The following GNS variants were observed in gnomAD, a reference collection of about 807,000 sequenced individuals.
GNS encodes the protein N-acetylglucosamine-6-sulfatase.
In GNS, 40 loss-of-function variants were observed where a neutral mutation model predicts 69.7. The observed-to-expected ratio is 0.57, with a 90% confidence interval of 0.45 to 0.75. GNS has a LOEUF of 0.75. Ranked by LOEUF, GNS falls within the 30% of genes least tolerant of loss-of-function variation. The pLI is 0.00. For missense variants in GNS, 565 were observed against 685.5 expected, an observed-to-expected ratio of 0.82 and a Z score of 1.96; for synonymous variants, 243 against 251.6, an observed-to-expected ratio of 0.97 and a Z score of 0.32.
At chr12:64,745,513 C>T (rs1158328326) in intron 4 of GNS, 146 bp downstream of exon 4, 6 of 712,620 alleles carry the variant, frequency 8.4e-6, no homozygotes, top group East Asian at 5.3e-5. Context: ...AGCCACTACA[C>T]CTGGCCACAA....
intron 10 of GNS, among the ~76,000 whole-genome samples, chr12:64,724,909 G>A (rs997918920): frequency 6.6e-6 from 1 of 152,188 alleles, no homozygotes; most frequent in Non-Finnish European, 1.5e-5. Flanking sequence ...CCTGAGCCAT[G>A]GAAGCCAGAA....
chr12:64,739,081 CT>C, intron 8 of GNS, among the ~76,000 whole-genome samples: 1 of 152,186 alleles, frequency 6.6e-6, no homozygotes, highest in East Asian at 1.9e-4. Flanking sequence ...AGACAACCTC[CT>C]TTTGGTCTTC....
chr12:64,723,644 G>A (rs1159280586), intron 10 of GNS, among the ~76,000 whole-genome samples: 1 of 152,198 alleles, frequency 6.6e-6, no homozygotes, highest in African/African-American at 2.4e-5. Context: ...GTACATTCAT[G>A]GTGTGGAAGG....
intron 6 of GNS, among the ~76,000 whole-genome samples, chr12:64,741,040 C>T (rs890402807): frequency 3.9e-5 from 6 of 152,000 alleles, no homozygotes; most frequent in African/African-American, 1.2e-4. Context: ...CTTTGGTCTA[C>T]TACAATTAGA....
chr12:64,716,462 A>C lies in GNS; in HGVS notation c.*279T>G. 1 of 478,928 alleles carries C rather than the reference A, an allele frequency of 2.1e-6. No individual in the cohort carries two copies. The allele number at this position is 478,928 out of a possible 1,614,324, so 29.7% of individuals were successfully genotyped here. On this transcript the variant is annotated 3_prime_UTR_variant, in exon 14 of 14. Transcript: ENST00000258145. ...AGGAATAATCAAGAACTGTGGCCCC[A>C]GGATAAAAAGAATACAGTGAGAACA... is the stretch of plus-strand genomic sequence containing the variant.
At chr12:64,750,141 G>A (rs755125150) in intron 2 of GNS, among the ~76,000 whole-genome samples, 1 of 152,010 alleles carries the variant, frequency 6.6e-6, no homozygotes, top group Non-Finnish European at 1.5e-5. Flanking sequence ...CTACCTCCTG[G>A]GTTCAAGCAA....
intron 1 of GNS, among the ~76,000 whole-genome samples, chr12:64,753,267 C>A (rs1870139785): frequency 6.6e-6 from 1 of 152,162 alleles, no homozygotes; most frequent in Non-Finnish European, 1.5e-5. Context: ...CATAGACCCA[C>A]AAGCACCTCA....
At position 64,745,708 on chromosome 12, in the gene GNS, G is replaced by A; in HGVS notation, c.476C>T (p.Ala159Val). The change falls in exon 4 of 14, where the codon GCA becomes GTA. Residue 159 changes from alanine (A) to valine (V), a missense_variant. By Grantham distance (64) the Ala-to-Val change is moderately conservative. Around this residue, in one of 2 missense-constraint regions of GNS, gnomAD observed 384 missense variants for 511.0 expected, o/e 0.75. Transcript: ENST00000258145. Reference sequence around the variant, plus strand: ...CAGAGGAACGTGTTCTAGTCCACCTGCATCTGGGGCTCCGTACTGAAAAGC... The same window carrying A: ...CAGAGGAACGTGTTCTAGTCCACCTACATCTGGGGCTCCGTACTGAAAAGC... Reference protein sequence around the residue: ...KYLNEYGAPDAGGLEHVPLGW... With the variant: ...KYLNEYGAPDVGGLEHVPLGW... 6.2e-7 allele frequency: 1 copy of A among 1,605,208 alleles called. No individual in the cohort carries two copies. The highest frequency in any genetic ancestry group is 8.5e-7 in the Non-Finnish European group (1 of 1,171,864).
Position 64,716,520 on chromosome 12 carries a change from A to AAG in GNS, c.*219_*220dup, listed in dbSNP as rs1464292197. 1.7e-6 allele frequency: 1 copy of AAG among 597,210 alleles called. No individual in the cohort carries two copies. Among genetic ancestry groups the AAG allele is most frequent in the African/African-American group, 1.8e-5 (1 of 54,144 alleles). 37.0% of individuals were successfully genotyped at this position (597,210 alleles called of 1,614,324 possible). On this transcript the variant is annotated 3_prime_UTR_variant, in exon 14 of 14. Transcript: ENST00000258145. ...CAGGAGTGTCCTTGTCAGCTAAAGG[A>AAG]AGAGACCAGAGACAGCCACTCCTGA...
At position 64,759,168 on chromosome 12, in the gene GNS, C is replaced by G. The variant is rs1318522809; in HGVS notation, c.109G>C (p.Val37Leu). ...CGGGTTCCCGCAGCCACCCCGAAGACCCCCAGGCAGCCGCCCAGCACCAGC... is the reference window on the plus strand; with the variant it reads ...CGGGTTCCCGCAGCCACCCCGAAGAGCCCCAGGCAGCCGCCCAGCACCAGC... ...LLLVLGGCLG[V>L]FGVAAGTRRP... Residue 37 changes from valine to leucine, a missense_variant, in exon 1 of 14, where the codon GTC (valine) becomes CTC (leucine). Physicochemically the swap from Val to Leu is conservative, Grantham distance 32. Coordinates refer to ENST00000258145, the MANE Select transcript of GNS (RefSeq NM_002076.4). 6.4e-7 allele frequency: 1 copy of G among 1,553,246 alleles called. No homozygotes were observed. Among genetic ancestry groups the G allele is most frequent in the Admixed American group, 2.0e-5 (1 of 51,256 alleles).
chr12:64,723,195 C>A (rs759451528), intron 10 of GNS, 82 bp from the exon 11 acceptor site: 39 of 863,292 alleles, frequency 4.5e-5, no homozygotes, highest in Non-Finnish European at 7.6e-5. Flanking sequence ...CTAAAGGGGA[C>A]CTGGGAGTCA....
intron 5 of GNS, among the ~76,000 whole-genome samples, chr12:64,744,003 C>A (rs988527841): frequency 6.6e-6 from 1 of 152,174 alleles, no homozygotes; most frequent in African/African-American, 2.4e-5. Context: ...CTGTCAGCTT[C>A]CTTGTGGTTT....
chr12:64,729,582 A>C (rs1869318922), intron 9 of GNS, among the ~76,000 whole-genome samples: 2 of 152,378 alleles, frequency 1.3e-5, no homozygotes, highest in South Asian at 4.1e-4. Flanking sequence ...AAGGCTGCAG[A>C]AAATTTATTC....
At position 64,728,856 on chromosome 12, in the gene GNS, A is replaced by T. The variant is rs370850809; in HGVS notation, c.1200+100T>A. 21 of 686,060 alleles carry T rather than the reference A, an allele frequency of 3.1e-5. No individual in the cohort carries two copies. The East Asian group carries it at 3.8e-4, about 12-fold the overall frequency. The allele number at this position is 686,060 out of a possible 1,614,324, so 42.5% of individuals were successfully genotyped here. A position where few individuals can be genotyped will look rare whatever the true frequency, so the allele number is the denominator to read the frequency against. On this transcript the variant is annotated intron_variant, in intron 10 of 13. Transcript: ENST00000258145. ...CCCATCACAAGATTTTCTGCCCCCA[A>T]ATTTAATAGTATTATTTAATATTTA... is the stretch of plus-strand genomic sequence containing the variant.
chr12:64,738,012 CTT>C (rs60901845), intron 8 of GNS, among the ~76,000 whole-genome samples: 35 of 143,704 alleles, frequency 2.4e-4, no homozygotes, highest in Admixed American at 5.6e-4. Context: ...TTGCCTGCAT[CTT>C]TTTTTTTTTT....
chr12:64,732,800 T>A (rs931489895), intron 9 of GNS, among the ~76,000 whole-genome samples: 1 of 152,130 alleles, frequency 6.6e-6, no homozygotes. Context: ...TTTCACCATG[T>A]TGGCCAGGCT....
chr12:64,733,926 T>TGTC, intron 9 of GNS, among the ~76,000 whole-genome samples: 1 of 152,232 alleles, frequency 6.6e-6, no homozygotes, highest in Non-Finnish European at 1.5e-5. Flanking sequence ...CATATGACCT[T>TGTC]GTCCCATTTC....
chr12:64,748,787 C>A (rs1869976462), intron 2 of GNS, among the ~76,000 whole-genome samples: 1 of 152,066 alleles, frequency 6.6e-6, no homozygotes, highest in Admixed American at 6.6e-5. Flanking sequence ...GTAATACTAG[C>A]TTATACTTGG....
chr12:64,758,814 CAT>C (rs1024543647), intron 1 of GNS, among the ~76,000 whole-genome samples: 7 of 152,198 alleles, frequency 4.6e-5, no homozygotes, highest in African/African-American at 1.4e-4. Context: ...CTGGTCTCCA[CAT>C]GTTTATCTTG....
Sources: gnomAD v4.1 joint callset for allele counts (sites outside exome capture counted in the v4.1 genomes callset) on GRCh38, gnomAD v4.1.1 for gene constraint, gnomAD v4.1.1 regional missense constraint, MANE v1.5 for transcripts, NCBI Gene and HGNC (gene_info 2026-07-23, HGNC 2026-07-21) for gene names.